Variants in SLC9C2 observed in about 807,000 individuals in gnomAD.
The protein encoded by SLC9C2 is solute carrier family 9 member C2 (putative).
In SLC9C2, 75 loss-of-function variants were observed where a neutral mutation model predicts 140.2. The ratio of observed to expected loss-of-function variants is 0.53; its 90% CI spans 0.44 to 0.65. The LOEUF (loss-of-function observed/expected upper bound fraction) is 0.65. Ranked by LOEUF, SLC9C2 falls within the 30% of genes least tolerant of loss-of-function variation. The pLI is 0.00. For missense variants in SLC9C2, 1,074 were observed against 1,331.8 expected (o/e 0.81, Z 3.01); for synonymous variants, 375 against 420.9 (o/e 0.89, Z 1.34).
intron 20 of SLC9C2, 110 bp downstream of exon 20, chr1:173,524,669 A>G: frequency 8.7e-7 from 1 of 1,148,518 alleles, no homozygotes; most frequent in Non-Finnish European, 1.2e-6. Context: ...AGGTGATTAT[A>G]GAGTTAACAC....
At chr1:173,504,465 C>A (rs1200515978) in intron 26 of SLC9C2, among the ~76,000 whole-genome samples, 3 of 152,106 alleles carry the variant, frequency 2.0e-5, no homozygotes, top group Non-Finnish European at 2.9e-5. Context: ...AATTTGAAAT[C>A]GTGCAAATCC....
chr1:173,547,141 T>A (rs1273254150), intron 13 of SLC9C2, among the ~76,000 whole-genome samples: 1 of 152,132 alleles, frequency 6.6e-6, no homozygotes, highest in Non-Finnish European at 1.5e-5. Flanking sequence ...ATAAAATTTG[T>A]TCCATTTGAT....
At chr1:173,524,156 A>G in intron 20 of SLC9C2, 62 bp from the exon 21 acceptor site, 1 of 1,452,634 alleles carries the variant, frequency 6.9e-7, no homozygotes, top group Non-Finnish European at 9.3e-7. Flanking sequence ...GACACTAGGG[A>G]AAAACTAAGG....
rs116318134 is a variant in SLC9C2 at position 173,553,826 on chromosome 1, T to A, written c.1297+907A>T. Among the ~76,000 whole-genome samples the A allele has an allele frequency of 3.1e-3, 467 of 152,264 alleles. 1 individual carries two copies. The highest frequency in any genetic ancestry group is 0.01 in the African/African-American group (431 of 41,556). On this transcript the variant is annotated intron_variant, in intron 11 of 27. Transcript: ENST00000367714. Reference sequence around the variant, plus strand: ...CTCCAAGTTATGCCTGATATGTAAATCTCTAGTAGTCTGATCAATTTTAAA... The same window carrying A: ...CTCCAAGTTATGCCTGATATGTAAAACTCTAGTAGTCTGATCAATTTTAAA...
At chr1:173,533,160 C>G (rs1661706961) in intron 17 of SLC9C2, among the ~76,000 whole-genome samples, 1 of 151,976 alleles carries the variant, frequency 6.6e-6, no homozygotes, top group Non-Finnish European at 1.5e-5. Flanking sequence ...AGAGGGTGTT[C>G]CAGAAGAGAC....
chr1:173,527,970 C>T (rs1661323553), intron 18 of SLC9C2, among the ~76,000 whole-genome samples: 2 of 152,102 alleles, frequency 1.3e-5, no homozygotes, highest in Admixed American at 1.3e-4. Flanking sequence ...AATTACTAGC[C>T]TGTCCATGGC....
chr1:173,535,919 A>G lies in SLC9C2; in HGVS notation c.1686T>C (p.Tyr562=), dbSNP rs755554976. The G allele has an allele frequency of 3.1e-5, 47 of 1,506,984 alleles. No individual in the cohort carries two copies. The highest frequency in any genetic ancestry group is 4.0e-5 in the Non-Finnish European group (45 of 1,122,118). The allele number at this position is 1,506,984 out of a possible 1,614,324, so 93.4% of individuals were successfully genotyped here. A position where few individuals can be genotyped will look rare whatever the true frequency, so the allele number is the denominator to read the frequency against. Residue 562 remains tyrosine (Y), a synonymous_variant, in exon 15 of 28, where the codon TAT becomes TAC. Coordinates refer to ENST00000367714, the MANE Select transcript of SLC9C2 (RefSeq NM_178527.4). ...KFMSIYDVST[Y]MRTRSWLIKF... ...TTATAAGCCAACTTCTAGTTCTCAT[A>G]TAAGTTGAAACATCATAAATACTCA... is the stretch of plus-strand genomic sequence containing the variant.
At chr1:173,537,683 TA>T (rs1558043098) in intron 13 of SLC9C2, among the ~76,000 whole-genome samples, 1 of 152,094 alleles carries the variant, frequency 6.6e-6, no homozygotes, top group East Asian at 1.9e-4. Context: ...TTCAGTAATA[TA>T]AATAACATCA....
intron 24 of SLC9C2, among the ~76,000 whole-genome samples, 162 bp downstream of exon 24, chr1:173,509,406 T>C (rs533997469): frequency 1.3e-5 from 2 of 151,754 alleles, no homozygotes; most frequent in African/African-American, 4.8e-5. Flanking sequence ...GACTGCACCA[T>C]TGCACTCCAG....
chr1:173,560,734 C>T (rs1028631612), intron 9 of SLC9C2, among the ~76,000 whole-genome samples: 2 of 152,148 alleles, frequency 1.3e-5, no homozygotes, highest in South Asian at 2.1e-4. Context: ...CACAGAACCC[C>T]GCAGCTAGCT....
chr1:173,599,969 A>C, intron 3 of SLC9C2, 148 bp downstream of exon 3: 7 of 515,312 alleles, frequency 1.4e-5, no homozygotes, highest in Non-Finnish European at 2.4e-5. Context: ...CTGTGTGGTT[A>C]TTTTCCAAAT....
intron 11 of SLC9C2, among the ~76,000 whole-genome samples, chr1:173,553,894 T>C (rs1663490203): frequency 1.3e-5 from 2 of 152,184 alleles, no homozygotes; most frequent in Admixed American, 1.3e-4. Flanking sequence ...AAGCTGAGGA[T>C]CAGGCCATGG....
rs1661466886 is a variant in SLC9C2, at chr1:173,530,035, A to G, written c.2183T>C (p.Ile728Thr). The G allele has an allele frequency of 1.2e-6, 2 of 1,610,744 alleles. No individual in the cohort carries two copies. The highest frequency in any genetic ancestry group is 1.7e-6 in the Non-Finnish European group (2 of 1,179,258). ...TTTGATCTGCACATCTGCAATTCTT[A>G]TCAGTATTGGTACTATTATCTGGAA... ...PLFKIIVPIL[I>T]RIADVQIKKR... Residue 728 changes from isoleucine (I) to threonine (T), a missense_variant, in exon 18 of 28, where the codon ATA becomes ACA. By Grantham distance (89) the Ile-to-Thr change is moderately conservative. Coordinates refer to ENST00000367714, the MANE Select transcript of SLC9C2 (RefSeq NM_178527.4).
chr1:173,601,745 CTTTCAT>C lies in SLC9C2; in HGVS notation c.26_31del (p.Asn9_Glu10del). 3.7e-6 allele frequency: 6 copies of C among 1,614,054 alleles called. No homozygotes were observed. The highest frequency in any genetic ancestry group is 5.1e-6 in the Non-Finnish European group (6 of 1,179,956). On this transcript the variant is annotated inframe_deletion, in exon 2 of 28. Transcript: ENST00000367714. Reference sequence around the variant, plus strand: ...CCCGCAGAGTAAATCAGGTCTGTTACTTTCATTTTGTGCCCAGAAGTAAGAACTCAT... The same window carrying C: ...CCCGCAGAGTAAATCAGGTCTGTTACTTTGTGCCCAGAAGTAAGAACTCAT...
intron 21 of SLC9C2, among the ~76,000 whole-genome samples, chr1:173,522,750 T>G (rs927341201): frequency 6.6e-6 from 1 of 152,156 alleles, no homozygotes; most frequent in African/African-American, 2.4e-5. Flanking sequence ...TGCCCTGACT[T>G]CATGTGCTCT....
chr1:173,531,154 C>G (rs1391065791), intron 17 of SLC9C2, among the ~76,000 whole-genome samples: 2 of 152,142 alleles, frequency 1.3e-5, no homozygotes, highest in African/African-American at 4.8e-5. Flanking sequence ...CAAGGCTATC[C>G]TATTAATTAA....
chr1:173,591,213 T>C (rs1666139435), intron 4 of SLC9C2, among the ~76,000 whole-genome samples: 1 of 152,218 alleles, frequency 6.6e-6, no homozygotes, highest in Non-Finnish European at 1.5e-5. Flanking sequence ...CATGATCTCA[T>C]TCTTTTTTAT....
intron 23 of SLC9C2, among the ~76,000 whole-genome samples, chr1:173,510,678 T>C (rs1262444730): frequency 6.6e-6 from 1 of 152,256 alleles, no homozygotes; most frequent in Non-Finnish European, 1.5e-5. Flanking sequence ...TTCCTTTTTA[T>C]GGCTGCACAG....
intron 9 of SLC9C2, among the ~76,000 whole-genome samples, chr1:173,568,490 A>G (rs1393810087): frequency 1.3e-5 from 2 of 152,288 alleles, no homozygotes; most frequent in Non-Finnish European, 2.9e-5. Flanking sequence ...ATAGTATTTC[A>G]TGGTGTATAT....
Sources: gnomAD v4.1 joint callset for allele counts (sites outside exome capture counted in the v4.1 genomes callset) on GRCh38, gnomAD v4.1.1 for gene constraint, MANE v1.5 for transcripts, NCBI Gene and HGNC (gene_info 2026-07-23, HGNC 2026-07-21) for gene names.